The following MAPKAP1 variants were observed in gnomAD, a reference collection of about 807,000 sequenced individuals.
MAPKAP1 encodes the protein MAPK associated protein 1.
A neutral mutation model predicts 65.7 loss-of-function variants in MAPKAP1; 20 were observed. The ratio of observed to expected loss-of-function variants is 0.30; its 90% CI spans 0.21 to 0.44. MAPKAP1 has a LOEUF of 0.44. Ranked by LOEUF, MAPKAP1 falls within the 20% of genes least tolerant of loss-of-function variation. The pLI is 1.00. For missense variants in MAPKAP1, 423 were observed against 648.0 expected (o/e 0.65, Z 3.77); for synonymous variants, 222 against 244.3 (o/e 0.91, Z 0.85).
chr9:125,488,127 T>C (rs558383359), intron 8 of MAPKAP1, among the ~76,000 whole-genome samples: 2 of 152,170 alleles, frequency 1.3e-5, no homozygotes, highest in South Asian at 2.1e-4. Flanking sequence ...TACTCTCTGA[T>C]AGCGTAAATT....
intron 10 of MAPKAP1, among the ~76,000 whole-genome samples, chr9:125,467,329 A>G (rs1853715970): frequency 6.6e-6 from 1 of 152,210 alleles, no homozygotes; most frequent in Non-Finnish European, 1.5e-5. Flanking sequence ...TCTAAATGCT[A>G]CACCCAATTA....
At chr9:125,462,929 C>T (rs1042185101) in intron 10 of MAPKAP1, among the ~76,000 whole-genome samples, 1 of 152,186 alleles carries the variant, frequency 6.6e-6, no homozygotes, top group South Asian at 2.1e-4. Context: ...CGTGTACCAA[C>T]ATCAATCAAA....
At chr9:125,692,136 CA>C (rs1835188750) in intron 1 of MAPKAP1, among the ~76,000 whole-genome samples, 1 of 152,150 alleles carries the variant, frequency 6.6e-6, no homozygotes, top group African/African-American at 2.4e-5. Context: ...AGAGCGTTAC[CA>C]TATGACCCAG....
At chr9:125,565,338 C>T (rs1219498523) in intron 5 of MAPKAP1, 1 of 155,028 alleles carries the variant, frequency 6.5e-6, no homozygotes, top group Non-Finnish European at 1.4e-5. Context: ...TCCCAGATTT[C>T]TCCCAAATGT....
At chr9:125,694,538 GA>G (rs1835327215) in intron 1 of MAPKAP1, among the ~76,000 whole-genome samples, 1 of 152,082 alleles carries the variant, frequency 6.6e-6, no homozygotes, top group Non-Finnish European at 1.5e-5. Context: ...AAAAAAGGCA[GA>G]AAAGTATGCA....
chr9:125,650,107 TAA>T (rs1833851496), intron 4 of MAPKAP1, among the ~76,000 whole-genome samples: 1 of 152,160 alleles, frequency 6.6e-6, no homozygotes, highest in Non-Finnish European at 1.5e-5. Context: ...TGCCTACTAC[TAA>T]ATATCTCTCG....
chr9:125,593,297 G>A (rs957594538), intron 4 of MAPKAP1, among the ~76,000 whole-genome samples: 1 of 151,846 alleles, frequency 6.6e-6, no homozygotes, highest in South Asian at 2.1e-4. Flanking sequence ...GAGTGAGACT[G>A]TCTCAAAAAA....
chr9:125,689,287 A>C (rs934595334), intron 1 of MAPKAP1, among the ~76,000 whole-genome samples: 1 of 151,770 alleles, frequency 6.6e-6, no homozygotes, highest in African/African-American at 2.4e-5. Context: ...AATACAAAAA[A>C]TTAGCCGGGC....
chr9:125,577,175 C>G (rs997771613), intron 5 of MAPKAP1, among the ~76,000 whole-genome samples: 1 of 151,796 alleles, frequency 6.6e-6, no homozygotes, highest in Non-Finnish European at 1.5e-5. Context: ...CCTGCCGCCC[C>G]GTCCGGGATG....
At position 125,439,119 on chromosome 9, in the gene MAPKAP1, G is replaced by A. The variant is rs1852388560; in HGVS notation, c.1444-107C>T. ...GCCCTGACCTGGGCCGGGTGCCTCA[G>A]GGCCAGGTGCTGTCGTGTGGAAGGA... On this transcript the variant is annotated intron_variant, in intron 11 of 11. Coordinates refer to ENST00000265960, the MANE Select transcript of MAPKAP1 (RefSeq NM_001006617.3). This position sits in a 1 kb window ranked among gnomAD's most constrained non-coding sequence, Gnocchi z 4.0. 3.0e-6 allele frequency: 4 copies of A among 1,335,464 alleles called. No homozygotes were observed. The highest frequency in any genetic ancestry group is 1.5e-5 in the African/African-American group (1 of 68,702). The allele number at this position is 1,335,464 out of a possible 1,614,324, so 82.7% of individuals were successfully genotyped here. A position where few individuals can be genotyped will look rare whatever the true frequency, so the allele number is the denominator to read the frequency against.
chr9:125,450,629 C>G (rs1047137842), intron 10 of MAPKAP1, among the ~76,000 whole-genome samples: 6 of 152,290 alleles, frequency 3.9e-5, no homozygotes, highest in South Asian at 4.1e-4. Context: ...CAAAGAACAG[C>G]TTTGAGGCTT....
At chr9:125,680,523 A>G (rs1166959463) in intron 1 of MAPKAP1, among the ~76,000 whole-genome samples, 1 of 152,230 alleles carries the variant, frequency 6.6e-6, no homozygotes, top group East Asian at 1.9e-4. Context: ...GGGAATTAAA[A>G]TCTTCTCCAT....
intron 9 of MAPKAP1, among the ~76,000 whole-genome samples, chr9:125,472,408 C>A (rs969856988): frequency 6.6e-6 from 1 of 152,226 alleles, no homozygotes; most frequent in Admixed American, 6.5e-5. Flanking sequence ...TAAATGTTCA[C>A]AAATGCCAAT....
chr9:125,601,966 A>T (rs1832310971), intron 4 of MAPKAP1, among the ~76,000 whole-genome samples: 2 of 152,350 alleles, frequency 1.3e-5, no homozygotes, highest in South Asian at 4.1e-4. Flanking sequence ...TTGCAAATGC[A>T]TGTTGAAATA....
intron 11 of MAPKAP1, 24 bp downstream of exon 11, chr9:125,444,477 T>G: frequency 6.3e-7 from 1 of 1,576,762 alleles, no homozygotes; most frequent in Non-Finnish European, 8.7e-7. Flanking sequence ...CTACCCTGTC[T>G]CTGGTTCAAG....
chr9:125,528,226 G>A (rs1431372466), intron 7 of MAPKAP1, among the ~76,000 whole-genome samples: 1 of 152,230 alleles, frequency 6.6e-6, no homozygotes, highest in Non-Finnish European at 1.5e-5. Flanking sequence ...CAGGGCCACA[G>A]TGCCTCTGCC....
At chr9:125,505,292 G>A (rs1432168201) in intron 8 of MAPKAP1, among the ~76,000 whole-genome samples, 2 of 152,176 alleles carry the variant, frequency 1.3e-5, no homozygotes, top group Non-Finnish European at 1.5e-5. Context: ...GGACATGGCA[G>A]CATGTGCCTA....
At chr9:125,465,325 T>C (rs942161021) in intron 10 of MAPKAP1, among the ~76,000 whole-genome samples, 5 of 152,382 alleles carry the variant, frequency 3.3e-5, no homozygotes, top group East Asian at 3.9e-4. Flanking sequence ...GACTTTCATT[T>C]CTTTAGTGAT....
At chr9:125,676,992 T>C (rs1208543048) in intron 1 of MAPKAP1, among the ~76,000 whole-genome samples, 2 of 152,254 alleles carry the variant, frequency 1.3e-5, no homozygotes, top group East Asian at 1.9e-4. Context: ...TCCATAAATA[T>C]TGTTTTCTGT....
Sources: allele counts gnomAD v4.1 joint callset (sites outside exome capture counted in the v4.1 genomes callset), GRCh38; gene constraint gnomAD v4.1.1; non-coding constraint Gnocchi (gnomAD v3.1); transcripts MANE v1.5; gene names NCBI Gene and HGNC (gene_info 2026-07-23, HGNC 2026-07-21).